The following ANKRD30B variants were observed in gnomAD, a reference collection of about 807,000 sequenced individuals.
ANKRD30B encodes the protein ankyrin repeat domain 30B, also known as ankyrin repeat domain-containing protein 30B.
In ANKRD30B, 144 loss-of-function variants were observed where a neutral mutation model predicts 202.2. The observed-to-expected ratio is 0.71, with a 90% confidence interval of 0.62 to 0.82. The LOEUF is 0.82. Ranked by LOEUF, ANKRD30B falls within the 40% of genes least tolerant of loss-of-function variation. The pLI, the probability that ANKRD30B is intolerant of heterozygous loss-of-function variation, is 0.00. For synonymous variants in ANKRD30B, 508 were observed against 561.3 expected (o/e 0.91, Z 1.34); for missense variants, 1,487 against 1,669.1 (o/e 0.89, Z 1.90).
At chr18:14,844,384 T>G (rs1971545947) in intron 39 of ANKRD30B, among the ~76,000 whole-genome samples, 1 of 152,202 alleles carries the variant, frequency 6.6e-6, no homozygotes, top group South Asian at 2.1e-4. Context: ...GCTATGCTGT[T>G]GTAACACATT....
chr18:14,887,888 G>A, the ANKRD30B span, among the ~76,000 whole-genome samples: 1 of 151,274 alleles, frequency 6.6e-6, no homozygotes, highest in African/African-American at 2.4e-5. Flanking sequence ...TACAAAGATA[G>A]ATTATGTTAC....
the ANKRD30B span, among the ~76,000 whole-genome samples, chr18:14,875,463 G>A: frequency 6.6e-6 from 1 of 152,098 alleles, no homozygotes; most frequent in Non-Finnish European, 1.5e-5. Context: ...AAGGTTATGG[G>A]CCCAAACACT....
the ANKRD30B span, among the ~76,000 whole-genome samples, chr18:14,931,962 T>A: frequency 1.8e-4 from 1 of 5,684 alleles, no homozygotes; most frequent in Non-Finnish European, 4.7e-4. Context: ...CCCTCCTCCT[T>A]CCTCCCTCCT....
chr18:14,760,681 C>A, intron 6 of ANKRD30B, 63 bp downstream of exon 6: 2 of 1,199,314 alleles, frequency 1.7e-6, no homozygotes, highest in South Asian at 2.9e-5. Flanking sequence ...AAGTGCTGAT[C>A]ACAAAAAAGC....
rs779539124 is a variant in ANKRD30B at position 14,799,157 on chromosome 18, A to C, written c.2058+28A>C. 1.3e-5 allele frequency: 21 copies of C among 1,589,154 alleles called. 1 individual carries two copies. In the South Asian group the frequency reaches 2.3e-4, roughly 18 times the overall value. On this transcript the variant is annotated intron_variant, in intron 21 of 43. Coordinates refer to ENST00000690538, the MANE Select transcript of ANKRD30B (RefSeq NM_001367607.2). ...AATAACTTTTATATTTTTATCTTGAATATTACCTACATATTTTATGAAGTA... is the reference window on the plus strand; with the variant it reads ...AATAACTTTTATATTTTTATCTTGACTATTACCTACATATTTTATGAAGTA...
At chr18:14,836,343 G>A (rs569437158) in intron 34 of ANKRD30B, among the ~76,000 whole-genome samples, 1 of 152,110 alleles carries the variant, frequency 6.6e-6, no homozygotes, top group South Asian at 2.1e-4. Context: ...TAACAACTAG[G>A]AAGTAGCCAT....
chr18:14,890,869 A>G, the ANKRD30B span, among the ~76,000 whole-genome samples: 1 of 152,008 alleles, frequency 6.6e-6, no homozygotes, highest in Non-Finnish European at 1.5e-5. Context: ...ATACCTTTGT[A>G]ATTAACTTTT....
At chr18:14,917,250 G>A in the ANKRD30B span, among the ~76,000 whole-genome samples, 1 of 152,076 alleles carries the variant, frequency 6.6e-6, no homozygotes, top group Non-Finnish European at 1.5e-5. Context: ...TGTGTTTTTG[G>A]TCTTTCTCTC....
chr18:14,797,773 C>G lies in ANKRD30B; in HGVS notation c.1957-9C>G. The G allele has an allele frequency of 3.2e-6, 5 of 1,571,188 alleles. No homozygotes were observed. Among genetic ancestry groups the G allele is most frequent in the Non-Finnish European group, 4.3e-6 (5 of 1,157,252 alleles). On this transcript the variant is annotated splice_polypyrimidine_tract_variant and intron_variant, in intron 19 of 43. Transcript: ENST00000690538. ...ATATATTAATTTTTGTGTTTCCGAA[C>G]CCATTTAGCCTACCTGTGGAAGGAA...
the ANKRD30B span, among the ~76,000 whole-genome samples, chr18:14,926,113 G>A: frequency 1.3e-5 from 2 of 152,164 alleles, no homozygotes; most frequent in Non-Finnish European, 2.9e-5. Context: ...ACACGGCAGC[G>A]AGGAAGACCA....
At position 14,804,571 on chromosome 18, in the gene ANKRD30B, C is replaced by CAG. The variant is rs1488264850; in HGVS notation, c.2284+747_2284+748insAG. Among the ~76,000 whole-genome samples the CAG allele has an allele frequency of 2.2e-4, 33 of 150,766 alleles. 1 individual carries two copies. In the East Asian group the frequency reaches 5.4e-3, roughly 25 times the overall value. ...TGATGCTGGTGGTCGTTGGACCTTG[C>CAG]TCTGAGTAGCAAGATGAGAGACCTT... On this transcript the variant is annotated intron_variant, in intron 24 of 43. Coordinates refer to ENST00000690538, the MANE Select transcript of ANKRD30B (RefSeq NM_001367607.2).
At chr18:14,875,031 C>T in the ANKRD30B span, among the ~76,000 whole-genome samples, 43 of 152,122 alleles carry the variant, frequency 2.8e-4, no homozygotes, top group Non-Finnish European at 5.7e-4. Context: ...GACTTGAACC[C>T]GCAGCCAGGG....
chr18:14,910,122 C>G, the ANKRD30B span: 1 of 152,070 alleles, frequency 6.6e-6, no homozygotes, highest in South Asian at 2.1e-4. Flanking sequence ...TTTAGGGAGT[C>G]TAAGTACAGG....
chr18:14,799,809 ACACT>A, intron 22 of ANKRD30B, among the ~76,000 whole-genome samples: 1 of 152,156 alleles, frequency 6.6e-6, no homozygotes, highest in Middle Eastern at 3.4e-3. Flanking sequence ...TTTGCTAGAT[ACACT>A]GTTTCAGAAG....
In ANKRD30B at chr18:14,797,770, G is replaced by T; in HGVS notation, c.1957-12G>T. 6.4e-7 allele frequency: 1 copy of T among 1,574,522 alleles called. No individual in the cohort carries two copies. The highest frequency in any genetic ancestry group is 8.6e-7 in the Non-Finnish European group (1 of 1,159,062). ...ATTATATATTAATTTTTGTGTTTCC[G>T]AACCCATTTAGCCTACCTGTGGAAG... On this transcript the variant is annotated splice_polypyrimidine_tract_variant and intron_variant, in intron 19 of 43. Coordinates refer to ENST00000690538, the MANE Select transcript of ANKRD30B (RefSeq NM_001367607.2).
the ANKRD30B span, chr18:14,905,645 C>A: frequency 6.6e-6 from 1 of 152,146 alleles, no homozygotes; most frequent in Admixed American, 6.5e-5. Flanking sequence ...CTCCTCTAGA[C>A]CTGGCAAAGA....
intron 34 of ANKRD30B, among the ~76,000 whole-genome samples, chr18:14,831,912 A>T (rs71364897): frequency 6.6e-6 from 1 of 152,234 alleles, no homozygotes; most frequent in African/African-American, 2.4e-5. Context: ...ACAGTAATCA[A>T]GGAATCTGTC....
the ANKRD30B span, among the ~76,000 whole-genome samples, chr18:14,910,933 A>C: frequency 6.6e-6 from 1 of 152,082 alleles, no homozygotes; most frequent in South Asian, 2.1e-4. Flanking sequence ...TCCTTTGAAA[A>C]ATGTCTGTTC....
At chr18:14,859,753 T>A in the ANKRD30B span, among the ~76,000 whole-genome samples, 1 of 13,026 alleles carries the variant, frequency 7.7e-5, no homozygotes, top group African/African-American at 1.7e-4. Context: ...TGGGGAGAGG[T>A]GCTCCTCACC....
Sources: gnomAD v4.1 joint callset for allele counts (sites outside exome capture counted in the v4.1 genomes callset) on GRCh38, gnomAD v4.1.1 for gene constraint, MANE v1.5 for transcripts, NCBI Gene and HGNC (gene_info 2026-07-23, HGNC 2026-07-21) for gene names.